AGMO: variants seen among roughly 807,000 people sequenced by gnomAD.
AGMO encodes the protein alkylglycerol monooxygenase, also known as glyceryl-ether monooxygenase.
In AGMO, 75 loss-of-function variants were observed where a neutral mutation model predicts 60.2. The observed-to-expected ratio is 1.25, with a 90% CI of 1.03 to 1.51. The LOEUF is 1.51. Among genes scored for constraint, AGMO ranks in the 40% most tolerant of loss-of-function variants. The probability of loss-of-function intolerance (pLI) is 0.00; values close to 1 mark genes in which losing one functional copy is unlikely to be tolerated. For missense variants in AGMO, 763 were observed against 525.5 expected, an observed-to-expected ratio of 1.45 and a Z score of -4.42; for synonymous variants, 261 against 177.1, an observed-to-expected ratio of 1.47 and a Z score of -3.76.
At chr7:15,271,862 G>C (rs1412258033) in intron 12 of AGMO, among the ~76,000 whole-genome samples, 1 of 151,932 alleles carries the variant, frequency 6.6e-6, no homozygotes, top group Non-Finnish European at 1.5e-5. Context: ...GTTTGTGGAG[G>C]GTTTTTAACA....
At chr7:15,308,976 GCTTA>G (rs1378343795) in intron 12 of AGMO, among the ~76,000 whole-genome samples, 1 of 152,094 alleles carries the variant, frequency 6.6e-6, no homozygotes, top group Non-Finnish European at 1.5e-5. Context: ...CAACTTAAAC[GCTTA>G]CTATTTGTTA....
intron 12 of AGMO, among the ~76,000 whole-genome samples, chr7:15,260,039 G>T (rs538769336): frequency 9.0e-5 from 13 of 144,434 alleles, no homozygotes; most frequent in African/African-American, 3.3e-4. Flanking sequence ...AAAACCCAAA[G>T]TATTTAGGCA....
chr7:15,130,292 CACTT>C, the AGMO span, among the ~76,000 whole-genome samples: 1 of 151,848 alleles, frequency 6.6e-6, no homozygotes, highest in East Asian at 1.9e-4. Flanking sequence ...TTTAATCTCT[CACTT>C]ACCCCACCTT....
At chr7:15,209,325 G>A (rs1781519637) in intron 12 of AGMO, among the ~76,000 whole-genome samples, 1 of 151,950 alleles carries the variant, frequency 6.6e-6, no homozygotes, top group Admixed American at 6.6e-5. Flanking sequence ...GATTTTTAGT[G>A]TGCTGTTAAA....
intron 5 of AGMO, among the ~76,000 whole-genome samples, chr7:15,413,082 C>T (rs1189998031): frequency 6.6e-6 from 1 of 152,122 alleles, no homozygotes; most frequent in Non-Finnish European, 1.5e-5. Flanking sequence ...ATAATTATTA[C>T]ATTTAGGACA....
chr7:15,527,756 G>A (rs1784163757), intron 3 of AGMO, among the ~76,000 whole-genome samples: 1 of 152,080 alleles, frequency 6.6e-6, no homozygotes, highest in South Asian at 2.1e-4. Context: ...TACAGGTGGT[G>A]GCTTTAAGAT....
intron 2 of AGMO, among the ~76,000 whole-genome samples, chr7:15,547,637 T>A (rs1784821949): frequency 6.6e-6 from 1 of 152,014 alleles, no homozygotes; most frequent in Admixed American, 6.5e-5. Flanking sequence ...ACCACGAGAT[T>A]ATATCCGCAC....
chr7:15,131,319 G>T, the AGMO span, among the ~76,000 whole-genome samples: 3 of 152,086 alleles, frequency 2.0e-5, 1 homozygote, highest in Non-Finnish European at 4.4e-5. Flanking sequence ...AGGATGTAAT[G>T]CTAGTCATCC....
chr7:15,527,803 A>T (rs1450006857), intron 3 of AGMO, among the ~76,000 whole-genome samples: 1 of 152,144 alleles, frequency 6.6e-6, no homozygotes, highest in Non-Finnish European at 1.5e-5. Flanking sequence ...CAGGGCTCTT[A>T]AGAATTATGC....
chr7:15,118,013 C>T, the AGMO span, among the ~76,000 whole-genome samples: 17 of 151,820 alleles, frequency 1.1e-4, no homozygotes, highest in Non-Finnish European at 5.9e-5. Flanking sequence ...TTTTAAATAC[C>T]TTCAGCCAAA....
At chr7:15,173,887 G>A in the AGMO span, among the ~76,000 whole-genome samples, 2 of 150,806 alleles carry the variant, frequency 1.3e-5, no homozygotes, top group Middle Eastern at 3.5e-3. Flanking sequence ...TATCTTTCAG[G>A]TAAAGAAACA....
chr7:15,357,287 G>A (rs769171048), intron 12 of AGMO, among the ~76,000 whole-genome samples: 3 of 150,666 alleles, frequency 2.0e-5, no homozygotes, highest in Non-Finnish European at 2.9e-5. Context: ...ATGAAACATT[G>A]TTGAGGACAG....
rs188387542 is a variant in AGMO at position 15,540,896 on chromosome 7, A to T, written c.409+3876T>A. 3.5e-3 allele frequency among the ~76,000 whole-genome samples: 532 copies of T among 152,282 alleles called. 2 individuals carry two copies. Among genetic ancestry groups the T allele is most frequent in the African/African-American group, 0.012 (516 of 41,560 alleles). On this transcript the variant is annotated intron_variant, in intron 3 of 12. Coordinates refer to ENST00000342526, the MANE Select transcript of AGMO (RefSeq NM_001004320.2). ...TTTTAAGTGTACAACCAACTCAATG[A>T]ATTTTTACAAATATACGCACTCATG...
chr7:15,464,086 G>T (rs1417460091), intron 3 of AGMO, among the ~76,000 whole-genome samples: 1 of 152,116 alleles, frequency 6.6e-6, no homozygotes, highest in Non-Finnish European at 1.5e-5. Context: ...TCACTAGCTT[G>T]CTTGAAGAAG....
intron 12 of AGMO, among the ~76,000 whole-genome samples, chr7:15,237,075 A>G (rs753085396): frequency 1.6e-4 from 25 of 152,298 alleles, no homozygotes; most frequent in Non-Finnish European, 3.7e-4. Flanking sequence ...GCATTGTGAA[A>G]TCAGTCTCAA....
At chr7:15,541,574 A>T (rs996899207) in intron 3 of AGMO, among the ~76,000 whole-genome samples, 2 of 152,238 alleles carry the variant, frequency 1.3e-5, no homozygotes, top group Non-Finnish European at 2.9e-5. Context: ...GACCATAATT[A>T]GCAATTTCTT....
intron 3 of AGMO, among the ~76,000 whole-genome samples, chr7:15,469,775 C>T (rs75545227): frequency 0.099 from 14,995 of 152,018 alleles, 1,006 homozygotes; most frequent in Non-Finnish European, 0.15. Flanking sequence ...AAGAAGTTTC[C>T]ATCTTAACAC....
chr7:15,338,084 T>C (rs992518517), intron 12 of AGMO, among the ~76,000 whole-genome samples: 4 of 152,338 alleles, frequency 2.6e-5, no homozygotes, highest in Non-Finnish European at 4.4e-5. Context: ...TGTGAACAAA[T>C]GTAATTAATT....
chr7:15,452,886 G>A (rs1781892319), intron 3 of AGMO, among the ~76,000 whole-genome samples: 1 of 152,134 alleles, frequency 6.6e-6, no homozygotes, highest in African/African-American at 2.4e-5. Context: ...TGGAATATTA[G>A]CAAGCCATAA....
Sources: allele counts gnomAD v4.1 joint callset (sites outside exome capture counted in the v4.1 genomes callset), GRCh38; gene constraint gnomAD v4.1.1; transcripts MANE v1.5; gene names NCBI Gene and HGNC (gene_info 2026-07-23, HGNC 2026-07-21).